The following RAD51B variants were observed in gnomAD, a reference collection of about 807,000 sequenced individuals.
RAD51B encodes DNA repair protein RAD51 homolog 2.
RAD51B carries 38 observed loss-of-function variants against 42.2 expected under a neutral mutation model. That is an observed-to-expected ratio of 0.90 (90% CI 0.70 to 1.18). The LOEUF (loss-of-function observed/expected upper bound fraction) is 1.18, where lower values mean the gene tolerates loss of function less well. RAD51B is among the 50% of genes most tolerant of loss of function. The pLI, the probability that RAD51B is intolerant of heterozygous loss-of-function variation, is 0.00. For missense variants in RAD51B, 373 were observed against 400.7 expected (o/e 0.93, Z 0.59); for synonymous variants, 154 against 145.2 (o/e 1.06, Z -0.43).
chr14:68,556,498 G>C (rs929285), intron 10 of RAD51B, among the ~76,000 whole-genome samples: 35,235 of 152,126 alleles, frequency 0.23, 4,531 homozygotes, highest in South Asian at 0.32. Flanking sequence ...GGACCCCTGG[G>C]GGATGGGGAG....
chr14:67,991,791 T>C (rs1029850529), intron 7 of RAD51B, among the ~76,000 whole-genome samples: 1 of 152,102 alleles, frequency 6.6e-6, no homozygotes, highest in Non-Finnish European at 1.5e-5. Flanking sequence ...TCAATAAACA[T>C]AGGAGTGCAG....
chr14:68,509,394 A>C (rs1885565798), intron 10 of RAD51B, among the ~76,000 whole-genome samples: 1 of 152,190 alleles, frequency 6.6e-6, no homozygotes, highest in African/African-American at 2.4e-5. Context: ...CTGTTCCCTG[A>C]GTGAACTTCA....
At chr14:67,947,026 C>CATA (rs2045419527) in intron 7 of RAD51B, among the ~76,000 whole-genome samples, 1 of 152,106 alleles carries the variant, frequency 6.6e-6, no homozygotes, top group African/African-American at 2.4e-5. Flanking sequence ...CCCTGTTATA[C>CATA]ATAATAATAA....
At chr14:68,287,114 C>T (rs1235935924) in intron 7 of RAD51B, among the ~76,000 whole-genome samples, 1 of 152,190 alleles carries the variant, frequency 6.6e-6, no homozygotes, top group African/African-American at 2.4e-5. Flanking sequence ...TGGTTCCCCT[C>T]TATCTCTTTT....
At chr14:67,820,411 C>T (rs1435250608) in intron 1 of RAD51B, among the ~76,000 whole-genome samples, 2 of 151,850 alleles carry the variant, frequency 1.3e-5, no homozygotes, top group African/African-American at 4.8e-5. Flanking sequence ...TAATATTGTT[C>T]CTAAACAGTT....
chr14:68,670,000 G>A (rs576402882), intron 11 of RAD51B, among the ~76,000 whole-genome samples: 1 of 152,186 alleles, frequency 6.6e-6, no homozygotes, highest in Non-Finnish European at 1.5e-5. Context: ...GGAAGTCCCA[G>A]AATGAGTCAA....
intron 7 of RAD51B, among the ~76,000 whole-genome samples, chr14:68,198,242 T>A (rs867577079): frequency 3.9e-5 from 6 of 152,302 alleles, no homozygotes; most frequent in African/African-American, 1.2e-4. Flanking sequence ...GTAAAAATTA[T>A]CAATTTACTG....
rs1369398502 is a variant in RAD51B at position 68,505,222 on chromosome 14, G to A, written c.1036+36972G>A. Among the ~76,000 whole-genome samples, 6 of 152,204 alleles carry A rather than the reference G, an allele frequency of 3.9e-5. No homozygotes were observed. In the South Asian group the frequency reaches 6.2e-4, roughly 16 times the overall value. ...GAGCAGATGGGGACACCCCATGCCCGCACACACACAGCTAATTCATCCCTG... is the reference window on the plus strand; with the variant it reads ...GAGCAGATGGGGACACCCCATGCCCACACACACACAGCTAATTCATCCCTG... On this transcript the variant is annotated intron_variant, in intron 10 of 10. Coordinates refer to the RAD51B transcript ENST00000487270.
rs368278669 is a variant in RAD51B, at chr14:68,258,407, C to CCACA, written c.757-33455_757-33452dup. The stretch of plus-strand genomic sequence containing the variant: ...GAGACCCTGTCTCTATACACACACA[C>CCACA]CACACACACACACACACACACACAC... On this transcript the variant is annotated intron_variant, in intron 7 of 10. Transcript: ENST00000471583. Among the ~76,000 whole-genome samples, 343 of 146,998 alleles carry CCACA rather than the reference C, an allele frequency of 2.3e-3. 2 individuals carry two copies. Among genetic ancestry groups the CCACA allele is most frequent in the Non-Finnish European group, 3.4e-3 (223 of 66,382 alleles).
chr14:68,598,960 C>A (rs1424171297), downstream of RAD51B, among the ~76,000 whole-genome samples: 3 of 152,148 alleles, frequency 2.0e-5, no homozygotes, highest in African/African-American at 7.2e-5. Context: ...CTGAGAGGAA[C>A]TGGGAAGAAA....
intron 2 of RAD51B, among the ~76,000 whole-genome samples, chr14:67,824,119 G>T (rs2040727654): frequency 1.3e-5 from 2 of 152,308 alleles, no homozygotes; most frequent in Middle Eastern, 3.4e-3. Flanking sequence ...TTTGAGACTA[G>T]GTTCTCATGC....
intron 10 of RAD51B, among the ~76,000 whole-genome samples, chr14:68,566,199 G>A (rs982667273): frequency 3.9e-5 from 6 of 152,200 alleles, no homozygotes; most frequent in Admixed American, 1.3e-4. Context: ...CGGGGAGTGT[G>A]TCTGTTTTCT....
At chr14:68,278,519 A>G (rs544028248) in intron 7 of RAD51B, among the ~76,000 whole-genome samples, 1 of 152,266 alleles carries the variant, frequency 6.6e-6, no homozygotes, top group East Asian at 1.9e-4. Context: ...CTTTGTCTAG[A>G]CTATGTAGTG....
intron 9 of RAD51B, among the ~76,000 whole-genome samples, chr14:68,428,030 G>C (rs2084896728): frequency 6.6e-6 from 1 of 152,096 alleles, no homozygotes; most frequent in Non-Finnish European, 1.5e-5. Context: ...TTTGAGTTTT[G>C]TTTCTTTTTC....
At chr14:67,924,737 G>A (rs1279871653) in intron 7 of RAD51B, among the ~76,000 whole-genome samples, 3 of 152,148 alleles carry the variant, frequency 2.0e-5, no homozygotes, top group Non-Finnish European at 2.9e-5. Context: ...ATGAAATTTG[G>A]TGGGGACACA....
At chr14:68,079,209 T>C (rs1052184882) in intron 7 of RAD51B, among the ~76,000 whole-genome samples, 2 of 152,218 alleles carry the variant, frequency 1.3e-5, no homozygotes, top group African/African-American at 4.8e-5. Context: ...AATTAAATTG[T>C]TTCCCACTAT....
At chr14:68,594,355 C>A in intron 10 of RAD51B, 1 of 825,284 alleles carries the variant, frequency 1.2e-6, no homozygotes. Context: ...CCGTTATGTA[C>A]ATTCCTATGC....
At chr14:67,827,436 T>G (rs2040871126) in intron 3 of RAD51B, among the ~76,000 whole-genome samples, 1 of 152,036 alleles carries the variant, frequency 6.6e-6, no homozygotes, top group Non-Finnish European at 1.5e-5. Flanking sequence ...TTCCTTATAT[T>G]TCAGCACTGC....
At chr14:68,079,523 C>G (rs573210692) in intron 7 of RAD51B, among the ~76,000 whole-genome samples, 1 of 152,164 alleles carries the variant, frequency 6.6e-6, no homozygotes, top group African/African-American at 2.4e-5. Flanking sequence ...TGGTATTTTT[C>G]CCTTTATTAT....
Sources: allele counts gnomAD v4.1 joint callset (sites outside exome capture counted in the v4.1 genomes callset), GRCh38; gene constraint gnomAD v4.1.1; transcripts MANE v1.5; gene names NCBI Gene and HGNC (gene_info 2026-07-23, HGNC 2026-07-21).